Variants in MAN2B2 observed in about 807,000 individuals in gnomAD.
The protein encoded by MAN2B2 is epididymis-specific alpha-mannosidase.
MAN2B2 carries 106 observed loss-of-function variants against 117.1 expected under a neutral mutation model. That is an observed-to-expected ratio of 0.90 (90% CI 0.77 to 1.06). The LOEUF (loss-of-function observed/expected upper bound fraction) is 1.06, where lower values mean the gene tolerates loss of function less well. Among genes scored for constraint, MAN2B2 ranks in the 50% least tolerant of loss-of-function variants. The probability of loss-of-function intolerance (pLI) is 0.00; values close to 1 mark genes in which losing one functional copy is unlikely to be tolerated. For synonymous variants in MAN2B2, 544 were observed against 595.1 expected (o/e 0.91, Z 1.25); for missense variants, 1,326 against 1,381.4 (o/e 0.96, Z 0.64).
intron 16 of MAN2B2, among the ~76,000 whole-genome samples, chr4:6,614,579 C>A (rs1198868251): frequency 6.6e-6 from 1 of 152,136 alleles, no homozygotes; most frequent in Admixed American, 6.5e-5. Context: ...CCCTGTGACC[C>A]CAGCGCATTC....
At chr4:6,617,805 C>G (rs1465406865) in intron 17 of MAN2B2, 1 of 291,358 alleles carries the variant, frequency 3.4e-6, no homozygotes, top group Non-Finnish European at 6.5e-6. Flanking sequence ...CTCAACCTCC[C>G]AAGTAACTGG....
At chr4:6,600,596 C>CAAGCA in intron 9 of MAN2B2, 27 bp from the exon 10 acceptor site, 1 of 1,609,586 alleles carries the variant, frequency 6.2e-7, no homozygotes, top group Middle Eastern at 1.7e-4. Flanking sequence ...TCACATGGCA[C>CAAGCA]AAGCAAAGCC....
Position 6,609,225 on chromosome 4 carries a change from C to G in MAN2B2, c.1933C>G (p.Pro645Ala), listed in dbSNP as rs767017916. Residue 645 changes from proline (P) to alanine (A), a missense_variant, in exon 12 of 19, where the codon CCT becomes GCT. Coordinates refer to ENST00000285599, the MANE Select transcript of MAN2B2 (RefSeq NM_015274.3). ...GTTCACACCGGGCAAGGCCGCGGTG[C>G]CTGCGTGGGAAGCTGTGGAAATGGA... ...YLFTPGKAAV[P>A]AWEAVEMEIV... is the part of the protein sequence containing the mutation. The G allele has an allele frequency of 8.7e-6, 14 of 1,614,218 alleles. No individual in the cohort carries two copies. The highest frequency in any genetic ancestry group is 1.3e-5 in the African/African-American group (1 of 75,074).
intron 12 of MAN2B2, 117 bp from the exon 13 acceptor site, chr4:6,609,681 C>T (rs751624659): frequency 7.6e-6 from 10 of 1,314,504 alleles, no homozygotes; most frequent in African/African-American, 2.9e-5. Context: ...AAGAAGGCTC[C>T]CTGCCTTTCG....
rs201727705 is a variant in MAN2B2 at position 6,594,624 on chromosome 4, G to A, written c.949G>A (p.Gly317Ser). Residue 317 changes from glycine (G) to serine (S), a missense_variant, in exon 7 of 19, where the codon GGT becomes AGT. Gly to Ser is a moderately conservative substitution (Grantham distance 56, BLOSUM62 0). Coordinates refer to ENST00000285599, the MANE Select transcript of MAN2B2 (RefSeq NM_015274.3). ...DHINSHAAEL[G>S]VSVQYATLGD... The stretch of plus-strand genomic sequence containing the variant: ...CATCAACAGCCATGCTGCCGAGCTC[G>A]GTGTCTCGGTGCAGTATGCCACGCT... 2.5e-5 allele frequency: 41 copies of A among 1,613,574 alleles called. No individual in the cohort carries two copies. Among genetic ancestry groups the A allele is most frequent in the Admixed American group, 2.5e-4 (15 of 60,012 alleles).
At position 6,621,437 on chromosome 4, in the gene MAN2B2, T is replaced by G. The variant is rs1458494147; in HGVS notation, c.*152T>G. On this transcript the variant is annotated 3_prime_UTR_variant, in exon 19 of 19. Transcript: ENST00000285599. The stretch of plus-strand genomic sequence containing the variant: ...TGGCAGGAAATGGTCATATTTGGGG[T>G]TTTTCCCTAATTTTTTTAAACAAAA... 1.2e-5 allele frequency: 7 copies of G among 607,904 alleles called. No homozygotes were observed. The highest frequency in any genetic ancestry group is 1.4e-5 in the Non-Finnish European group (5 of 359,924). 37.7% of individuals were successfully genotyped at this position (607,904 alleles called of 1,614,324 possible).
intron 15 of MAN2B2, among the ~76,000 whole-genome samples, chr4:6,613,113 T>G (rs1194637046): frequency 1.3e-5 from 2 of 152,210 alleles, no homozygotes; most frequent in East Asian, 3.9e-4. Context: ...TTCTGATTGG[T>G]CCTACTGGGG....
chr4:6,610,311 C>T (rs1386923827), intron 13 of MAN2B2, among the ~76,000 whole-genome samples: 1 of 152,174 alleles, frequency 6.6e-6, no homozygotes, highest in African/African-American at 2.4e-5. Context: ...CGCCTGCCAC[C>T]ATGCCCAGCT....
At chr4:6,579,485 CACTACCATCACCACCACCATCATA>C (rs1432497734) in intron 3 of MAN2B2, among the ~76,000 whole-genome samples, 13 of 148,686 alleles carry the variant, frequency 8.7e-5, no homozygotes, top group East Asian at 8.1e-4. Context: ...CCATCACTAC[CACTACCATCACCACCACCATCATA>C]ACTACCATCA....
At position 6,600,605 on chromosome 4, in the gene MAN2B2, C is replaced by T. The variant is rs368344560; in HGVS notation, c.1406-18C>T. 5 of 1,612,900 alleles carry T rather than the reference C, an allele frequency of 3.1e-6. No individual in the cohort carries two copies. The highest frequency in any genetic ancestry group is 4.2e-6 in the Non-Finnish European group (5 of 1,179,594). On this transcript the variant is annotated intron_variant, in intron 9 of 18. Coordinates refer to ENST00000285599, the MANE Select transcript of MAN2B2 (RefSeq NM_015274.3). ...GGTGAGTCACATGGCACAAGCAAAG[C>T]CTCTTCTCTGTGTGCAGATGCAGGA...
In MAN2B2 at chr4:6,587,097, C is replaced by A; in HGVS notation, c.493C>A (p.Leu165Met). The A allele has an allele frequency of 6.2e-7, 1 of 1,614,048 alleles. No homozygotes were observed. The highest frequency in any genetic ancestry group is 8.5e-7 in the Non-Finnish European group (1 of 1,180,036). Residue 165 changes from leucine to methionine, a missense_variant, in exon 4 of 19, where the codon CTG becomes ATG. Coordinates refer to ENST00000285599, the MANE Select transcript of MAN2B2 (RefSeq NM_015274.3). ...ASATTPTLFA[L>M]AGFNAHLGSR... ...TGCCACGACGCCCACCCTATTTGCG[C>A]TGGCGGGCTTCAATGCCCACCTCGG...
At chr4:6,576,778 G>A in intron 2 of MAN2B2, 54 bp downstream of exon 2, 1 of 1,602,210 alleles carries the variant, frequency 6.2e-7, no homozygotes, top group Non-Finnish European at 8.5e-7. Flanking sequence ...AAAGACCCAG[G>A]TGGAAAACTC....
chr4:6,614,417 G>T, intron 16 of MAN2B2, 62 bp downstream of exon 16: 1 of 1,582,382 alleles, frequency 6.3e-7, no homozygotes. Context: ...ACAGGCCACC[G>T]GGCCCACCAC....
intron 9 of MAN2B2, among the ~76,000 whole-genome samples, chr4:6,599,387 G>C (rs1007908028): frequency 1.3e-5 from 2 of 152,092 alleles, no homozygotes; most frequent in African/African-American, 4.8e-5. Context: ...ATCTGGCCAG[G>C]CATGGTGGCT....
At chr4:6,601,892 C>T (rs968122245) in intron 10 of MAN2B2, among the ~76,000 whole-genome samples, 8 of 152,184 alleles carry the variant, frequency 5.3e-5, no homozygotes, top group Non-Finnish European at 7.3e-5. Flanking sequence ...AGCCGTGGTT[C>T]GAGTGAAAGT....
At chr4:6,577,760 A>T (rs1249668439) in intron 2 of MAN2B2, among the ~76,000 whole-genome samples, 1 of 152,260 alleles carries the variant, frequency 6.6e-6, no homozygotes, top group African/African-American at 2.4e-5. Context: ...AAAGAGAAGC[A>T]TGGCCTGCAT....
chr4:6,614,472 C>T, intron 16 of MAN2B2, 117 bp downstream of exon 16: 7 of 1,263,706 alleles, frequency 5.5e-6, no homozygotes, highest in Non-Finnish European at 7.7e-6. Flanking sequence ...TGCAAGGTCA[C>T]CTGGTTTCTT....
At chr4:6,593,697 G>T (rs1726952668) in intron 6 of MAN2B2, among the ~76,000 whole-genome samples, 2 of 152,374 alleles carry the variant, frequency 1.3e-5, no homozygotes, top group East Asian at 1.9e-4. Context: ...GGCTTCATAG[G>T]CTTGGTGAGA....
At position 6,621,490 on chromosome 4, in the gene MAN2B2, C is replaced by A. The variant is rs74712034; in HGVS notation, c.*205C>A. The A allele has an allele frequency of 1.5e-5, 8 of 544,898 alleles. No homozygotes were observed. Among genetic ancestry groups the A allele is most frequent in the African/African-American group, 3.8e-5 (2 of 52,592 alleles). 33.8% of individuals were successfully genotyped at this position (544,898 alleles called of 1,614,324 possible). A position where few individuals can be genotyped will look rare whatever the true frequency, so the allele number is the denominator to read the frequency against. On this transcript the variant is annotated 3_prime_UTR_variant, in exon 19 of 19. Coordinates refer to ENST00000285599, the MANE Select transcript of MAN2B2 (RefSeq NM_015274.3). ...TACATTACAAGATCCAGGTTCTTCC[C>A]CCCCACACTCAATCAAGCCAGCCCT...
Sources: gnomAD v4.1 joint callset for allele counts (sites outside exome capture counted in the v4.1 genomes callset) on GRCh38, gnomAD v4.1.1 for gene constraint, MANE v1.5 for transcripts, NCBI Gene and HGNC (gene_info 2026-07-23, HGNC 2026-07-21) for gene names.